Variants in ARMC8 observed in about 807,000 individuals in gnomAD.
ARMC8 encodes the protein armadillo repeat containing 8, also known as armadillo repeat-containing protein 8.
Under a neutral mutation model 99.3 loss-of-function variants are expected in ARMC8, and 20 were observed. That is an observed-to-expected ratio of 0.20 (90% CI 0.14 to 0.29). The LOEUF (loss-of-function observed/expected upper bound fraction) is 0.29, where lower values mean the gene tolerates loss of function less well. Ranked by LOEUF, ARMC8 falls within the 10% of genes least tolerant of loss-of-function variation. ARMC8 has a pLI of 1.00. For missense variants in ARMC8, 569 were observed against 809.5 expected, an observed-to-expected ratio of 0.70 and a Z score of 3.60; for synonymous variants, 263 against 278.3, an observed-to-expected ratio of 0.95 and a Z score of 0.55.
chr3:138,280,194 G>A (rs1479218767), intron 18 of ARMC8, among the ~76,000 whole-genome samples: 2 of 152,138 alleles, frequency 1.3e-5, no homozygotes, highest in Non-Finnish European at 2.9e-5. Context: ...ATGAGCCACT[G>A]TGCCTGGCTG....
intron 1 of ARMC8, chr3:138,188,381 T>G (rs961495001): frequency 3.7e-5 from 55 of 1,475,152 alleles, no homozygotes; most frequent in African/African-American, 2.5e-4. Flanking sequence ...AAAACCTGTT[T>G]TTTTTTTTTT....
At chr3:138,235,638 C>A (rs533332295) in intron 7 of ARMC8, among the ~76,000 whole-genome samples, 1 of 152,108 alleles carries the variant, frequency 6.6e-6, no homozygotes, top group Non-Finnish European at 1.5e-5. Flanking sequence ...AAAACCTTCG[C>A]CATTCATTGT....
chr3:138,195,346 T>G (rs1251018552), intron 1 of ARMC8, among the ~76,000 whole-genome samples: 1 of 151,358 alleles, frequency 6.6e-6, no homozygotes, highest in Non-Finnish European at 1.5e-5. Context: ...AATGAATCAA[T>G]GTGAACTTTC....
intron 12 of ARMC8, among the ~76,000 whole-genome samples, chr3:138,259,917 G>C (rs2047602624): frequency 6.6e-6 from 1 of 152,174 alleles, no homozygotes; most frequent in Non-Finnish European, 1.5e-5. Flanking sequence ...TCCCTTTGTA[G>C]ATACTTGTTT....
At position 138,187,599 on chromosome 3, in the gene ARMC8, G is replaced by C; in HGVS notation, c.45G>C (p.Ser15=). Residue 15 remains serine (S), a splice_region_variant and synonymous_variant, in exon 1 of 22, where the codon TCG becomes TCC. Transcript: ENST00000469044. ...LETPIRMSVL[S]EVTASSRHYV... ...CCCCAATCCGCATGAGCGTCCTTTC[G>C]GTGAGTGACCCGCCGCGGCCGCCCG... is the stretch of plus-strand genomic sequence containing the variant. The C allele has an allele frequency of 6.5e-7, 1 of 1,535,648 alleles. No homozygotes were observed. The highest frequency in any genetic ancestry group is 8.7e-7 in the Non-Finnish European group (1 of 1,146,542).
At chr3:138,225,793 T>A (rs1393129965) in intron 5 of ARMC8, among the ~76,000 whole-genome samples, 1 of 152,162 alleles carries the variant, frequency 6.6e-6, no homozygotes, top group Non-Finnish European at 1.5e-5. Context: ...TCAGGCTTTA[T>A]AAATATTTCA....
At chr3:138,209,140 G>T (rs894363907) in intron 1 of ARMC8, among the ~76,000 whole-genome samples, 3 of 152,170 alleles carry the variant, frequency 2.0e-5, no homozygotes, top group African/African-American at 7.2e-5. Context: ...GCCAGATTTT[G>T]TCCTTTTGTG....
chr3:138,292,422 G>A (rs968046271), intron 21 of ARMC8, among the ~76,000 whole-genome samples: 1 of 152,234 alleles, frequency 6.6e-6, no homozygotes, highest in African/African-American at 2.4e-5. Context: ...ACAGAGACCA[G>A]TTAAAGGCCA....
intron 9 of ARMC8, chr3:138,238,242 AT>A (rs1180064903): frequency 6.6e-6 from 1 of 152,100 alleles, no homozygotes; most frequent in Non-Finnish European, 1.5e-5. Context: ...TAATTTTTGT[AT>A]TTTTAGTAGA....
At chr3:138,260,204 A>G (rs1321795818) in intron 12 of ARMC8, among the ~76,000 whole-genome samples, 2 of 152,188 alleles carry the variant, frequency 1.3e-5, no homozygotes, top group Admixed American at 6.5e-5. Context: ...TAGCACTCTA[A>G]GTAGACCTGA....
chr3:138,209,148 G>A (rs2044556500), intron 1 of ARMC8, among the ~76,000 whole-genome samples: 2 of 152,170 alleles, frequency 1.3e-5, no homozygotes, highest in African/African-American at 4.8e-5. Flanking sequence ...TTGTCCTTTT[G>A]TGTATACTAA....
At position 138,223,727 on chromosome 3, in the gene ARMC8, G is replaced by C. The variant is rs1252746109; in HGVS notation, c.429G>C (p.Leu143=). 1 of 1,613,386 alleles carries C rather than the reference G, an allele frequency of 6.2e-7. No homozygotes were observed. Among genetic ancestry groups the C allele is most frequent in the Non-Finnish European group, 8.5e-7 (1 of 1,179,432 alleles). The change falls in exon 5 of 22, where the codon CTG becomes CTC. Residue 143 remains leucine (L), a synonymous_variant. Transcript: ENST00000469044. ...GTCCTGTCACTCCAGAGGAGCTACT[G>C]TATACAGTGAGTTTTAGATGTATTT... ...FTSPVTPEEL[L]YTDATVIPHL...
chr3:138,242,000 T>C lies in ARMC8; in HGVS notation c.1038+17T>C. The C allele has an allele frequency of 6.2e-7, 1 of 1,607,958 alleles. No individual in the cohort carries two copies. The highest frequency in any genetic ancestry group is 8.5e-7 in the Non-Finnish European group (1 of 1,175,058). ...ATTAAAAGGGTATGTTATTTTCCTT[T>C]TTTAGCAGCTCAAGGGAGATTTTTC... is the stretch of plus-strand genomic sequence containing the variant. On this transcript the variant is annotated intron_variant, in intron 11 of 21. Transcript: ENST00000469044.
At chr3:138,241,367 A>G (rs1021696422) in intron 10 of ARMC8, among the ~76,000 whole-genome samples, 1 of 152,226 alleles carries the variant, frequency 6.6e-6, no homozygotes, top group South Asian at 2.1e-4. Context: ...AGGAAGAGAT[A>G]GCATACTTTT....
chr3:138,234,360 G>A (rs1231663730), intron 6 of ARMC8, among the ~76,000 whole-genome samples: 1 of 152,060 alleles, frequency 6.6e-6, no homozygotes, highest in Non-Finnish European at 1.5e-5. Context: ...TTCACCCCCG[G>A]CAGCCTCCCA....
At chr3:138,272,684 G>A (rs1335736307) in intron 16 of ARMC8, among the ~76,000 whole-genome samples, 1 of 152,136 alleles carries the variant, frequency 6.6e-6, no homozygotes, top group Admixed American at 6.5e-5. Flanking sequence ...AGACCAGCCT[G>A]GCCAACATGG....
chr3:138,259,539 G>C (rs1187586949), intron 12 of ARMC8, among the ~76,000 whole-genome samples: 2 of 152,154 alleles, frequency 1.3e-5, no homozygotes, highest in Non-Finnish European at 1.5e-5. Flanking sequence ...TGATGGAGAA[G>C]GTGGACCAGA....
chr3:138,229,089 C>A (rs547403615), intron 6 of ARMC8, 79 bp downstream of exon 6: 27 of 819,596 alleles, frequency 3.3e-5, no homozygotes, highest in Non-Finnish European at 4.9e-5. Flanking sequence ...TGTGTACCCT[C>A]CCAGGGGTAG....
chr3:138,208,412 A>G (rs2044509562), intron 1 of ARMC8, among the ~76,000 whole-genome samples: 2 of 152,208 alleles, frequency 1.3e-5, no homozygotes, highest in South Asian at 4.1e-4. Context: ...GTTGCAAGTG[A>G]GCCAAGATCA....
Sources: allele counts gnomAD v4.1 joint callset (sites outside exome capture counted in the v4.1 genomes callset), GRCh38; gene constraint gnomAD v4.1.1; transcripts MANE v1.5; gene names NCBI Gene and HGNC (gene_info 2026-07-23, HGNC 2026-07-21).